Variants in ANGPT1 observed in about 807,000 individuals in gnomAD.
ANGPT1 encodes angiopoietin 1.
Under a neutral mutation model 62.2 loss-of-function variants are expected in ANGPT1, and 17 were observed. That is an observed-to-expected ratio of 0.27 (90% CI 0.19 to 0.41). ANGPT1 has a LOEUF of 0.41. Ranked by LOEUF, ANGPT1 falls within the 10% of genes least tolerant of loss-of-function variation. The pLI, the probability that ANGPT1 is intolerant of heterozygous loss-of-function variation, is 1.00. For synonymous variants in ANGPT1, 199 were observed against 198.9 expected (o/e 1.00, Z 0.00); for missense variants, 478 against 594.9 (o/e 0.80, Z 2.04).
intron 1 of ANGPT1, among the ~76,000 whole-genome samples, chr8:107,410,248 C>T (rs527889874): frequency 6.6e-6 from 1 of 152,260 alleles, no homozygotes; most frequent in Non-Finnish European, 1.5e-5. Context: ...TAATACTCAC[C>T]CTGCCAAGAA....
At chr8:107,390,072 T>C (rs545580041) in intron 1 of ANGPT1, among the ~76,000 whole-genome samples, 1 of 152,290 alleles carries the variant, frequency 6.6e-6, no homozygotes, top group Admixed American at 6.5e-5. Context: ...ATAACTGCAT[T>C]CCCTTTCAGG....
intron 1 of ANGPT1, among the ~76,000 whole-genome samples, chr8:107,370,162 AAGAAAGAG>A (rs1177771334): frequency 4.6e-5 from 6 of 131,264 alleles, no homozygotes; most frequent in Admixed American, 9.0e-5. Flanking sequence ...AAGAGAAAGA[AAGAAAGAG>A]AGAAAGAAGA....
chr8:107,268,776 A>G (rs995343967), intron 7 of ANGPT1, among the ~76,000 whole-genome samples: 24 of 152,096 alleles, frequency 1.6e-4, no homozygotes, highest in African/African-American at 5.1e-4. Flanking sequence ...AAGCATTAAA[A>G]CATAAAGCAG....
chr8:107,315,725 T>C (rs890396198), intron 4 of ANGPT1, among the ~76,000 whole-genome samples: 1 of 152,166 alleles, frequency 6.6e-6, no homozygotes, highest in Non-Finnish European at 1.5e-5. Context: ...AATGCACTCA[T>C]AACTTTGGTA....
rs550943629 is a variant in ANGPT1, at chr8:107,497,565, G to T, written c.-7C>A. ...AGGAAAGGAAAACTGTCATTGTACT[G>T]CCAGCACACTCCTTCCGTGCCTCTC... On this transcript the variant is annotated 5_prime_UTR_variant, in exon 1 of 9. Coordinates refer to ENST00000517746, the MANE Select transcript of ANGPT1 (RefSeq NM_001146.5). 2 of 1,611,324 alleles carry T rather than the reference G, an allele frequency of 1.2e-6. No homozygotes were observed. The highest frequency in any genetic ancestry group is 2.7e-5 in the African/African-American group (2 of 74,982).
chr8:107,479,542 T>C (rs1196660285), intron 1 of ANGPT1, among the ~76,000 whole-genome samples: 1 of 152,160 alleles, frequency 6.6e-6, no homozygotes, highest in African/African-American at 2.4e-5. Flanking sequence ...CACTGGGAAC[T>C]GAACAGATGG....
intron 1 of ANGPT1, among the ~76,000 whole-genome samples, chr8:107,469,082 AG>A (rs931628981): frequency 7.2e-5 from 11 of 152,070 alleles, no homozygotes; most frequent in Non-Finnish European, 1.2e-4. Flanking sequence ...TCATTCATTT[AG>A]TACTTTTTCT....
Position 107,497,627 on chromosome 8 carries a change from G to A in ANGPT1, c.-69C>T. 1 of 1,470,490 alleles carries A rather than the reference G, an allele frequency of 6.8e-7. No individual in the cohort carries two copies. Among genetic ancestry groups the A allele is most frequent in the Non-Finnish European group, 9.1e-7 (1 of 1,094,794 alleles). The allele number at this position is 1,470,490 out of a possible 1,614,324, so 91.1% of individuals were successfully genotyped here. On this transcript the variant is annotated 5_prime_UTR_variant, in exon 1 of 9. Transcript: ENST00000517746. ...TCCTTTCTTCTGACCTCTAAAACTA[G>A]TTCTTTATTTCAGGTAAAACTGCTT...
chr8:107,458,546 G>C (rs114166725), intron 1 of ANGPT1, among the ~76,000 whole-genome samples: 175 of 152,226 alleles, frequency 1.1e-3, no homozygotes, highest in African/African-American at 4.0e-3. Context: ...TAGTAACTAT[G>C]TCTAGTAGAT....
At chr8:107,401,772 G>A (rs1465636104) in intron 1 of ANGPT1, among the ~76,000 whole-genome samples, 3 of 152,134 alleles carry the variant, frequency 2.0e-5, no homozygotes, top group African/African-American at 7.2e-5. Flanking sequence ...TGTTTATATG[G>A]ATATAAGATG....
At chr8:107,282,156 A>G (rs1185365029) in intron 7 of ANGPT1, among the ~76,000 whole-genome samples, 2 of 151,950 alleles carry the variant, frequency 1.3e-5, no homozygotes, top group Non-Finnish European at 2.9e-5. Flanking sequence ...TACTTTAATG[A>G]ATCTTTCACC....
intron 3 of ANGPT1, among the ~76,000 whole-genome samples, chr8:107,335,744 T>A (rs1372995021): frequency 6.6e-6 from 1 of 152,216 alleles, no homozygotes; most frequent in Non-Finnish European, 1.5e-5. Flanking sequence ...TGTAGCTTTG[T>A]AAAAGCCTAA....
At chr8:107,463,692 A>ATT (rs1481910329) in intron 1 of ANGPT1, among the ~76,000 whole-genome samples, 3 of 152,102 alleles carry the variant, frequency 2.0e-5, no homozygotes, top group African/African-American at 4.8e-5. Flanking sequence ...AGATAATGTG[A>ATT]TTATATATAT....
intron 3 of ANGPT1, among the ~76,000 whole-genome samples, chr8:107,330,888 G>A (rs1815404552): frequency 6.6e-6 from 1 of 152,032 alleles, no homozygotes. Flanking sequence ...TTAAAAAAAG[G>A]AAAATGCTAT....
chr8:107,336,466 C>T, intron 2 of ANGPT1, 195 bp from the exon 3 acceptor site: 1 of 752,576 alleles, frequency 1.3e-6, no homozygotes, highest in South Asian at 2.5e-5. Context: ...GAGATCGAGA[C>T]CATCCTGGCA....
intron 1 of ANGPT1, among the ~76,000 whole-genome samples, chr8:107,370,065 A>G (rs1419841142): frequency 1.3e-5 from 2 of 151,424 alleles, no homozygotes; most frequent in East Asian, 2.0e-4. Context: ...GAGCCATGGG[A>G]AAGTCAAGGC....
chr8:107,252,964 A>G (rs1159394907), intron 8 of ANGPT1, among the ~76,000 whole-genome samples: 1 of 152,214 alleles, frequency 6.6e-6, no homozygotes, highest in Non-Finnish European at 1.5e-5. Context: ...AGGGACTAAT[A>G]GCTAAAGAAA....
intron 1 of ANGPT1, among the ~76,000 whole-genome samples, chr8:107,450,231 A>G (rs1811732491): frequency 1.3e-5 from 2 of 152,050 alleles, no homozygotes; most frequent in South Asian, 4.1e-4. Flanking sequence ...ATTGTCATAG[A>G]TAAACTATTG....
chr8:107,488,212 G>A (rs370946301), intron 1 of ANGPT1, among the ~76,000 whole-genome samples: 4 of 152,196 alleles, frequency 2.6e-5, no homozygotes, highest in African/African-American at 9.6e-5. Context: ...CTGTAAGGCA[G>A]ATTTGGATGT....
Sources: allele counts gnomAD v4.1 joint callset (sites outside exome capture counted in the v4.1 genomes callset), GRCh38; gene constraint gnomAD v4.1.1; transcripts MANE v1.5; gene names NCBI Gene and HGNC (gene_info 2026-07-23, HGNC 2026-07-21).